The following DNAH9 variants were observed in gnomAD, a reference collection of about 807,000 sequenced individuals.
DNAH9 encodes DNAH9 variant protein.
A neutral mutation model predicts 471.6 loss-of-function variants in DNAH9; 345 were observed. The observed-to-expected ratio is 0.73, with a 90% CI of 0.67 to 0.80. The LOEUF (loss-of-function observed/expected upper bound fraction) is 0.80, where lower values mean the gene tolerates loss of function less well. DNAH9 is among the 30% of genes least tolerant of loss of function. The probability of loss-of-function intolerance (pLI) is 0.00; values close to 1 mark genes in which losing one functional copy is unlikely to be tolerated. For missense variants in DNAH9, 5,407 were observed against 5,609.2 expected (o/e 0.96, Z 1.15); for synonymous variants, 2,093 against 2,123.6 (o/e 0.99, Z 0.40).
chr17:11,700,080 G>A (rs2074564256), intron 23 of DNAH9, among the ~76,000 whole-genome samples, 197 bp downstream of exon 23: 1 of 152,178 alleles, frequency 6.6e-6, no homozygotes, highest in African/African-American at 2.4e-5. Context: ...TTTCAGGGAA[G>A]GACACATGTC....
At chr17:11,620,451 T>A (rs909146808) in intron 6 of DNAH9, among the ~76,000 whole-genome samples, 8 of 147,538 alleles carry the variant, frequency 5.4e-5, no homozygotes, top group Non-Finnish European at 8.9e-5. Context: ...GGCAGAGGTT[T>A]CAGTGAGCCA....
chr17:11,670,637 T>C (rs2073958132), intron 17 of DNAH9, among the ~76,000 whole-genome samples: 1 of 151,824 alleles, frequency 6.6e-6, no homozygotes, highest in Admixed American at 6.6e-5. Flanking sequence ...TATCTACAAA[T>C]AAACTTTGAG....
At chr17:11,724,315 A>G (rs895812940) in intron 27 of DNAH9, among the ~76,000 whole-genome samples, 1 of 152,302 alleles carries the variant, frequency 6.6e-6, no homozygotes, top group Admixed American at 6.5e-5. Flanking sequence ...GTTTGTACCC[A>G]TTAACCAACT....
At chr17:11,650,177 G>A (rs2073476292) in intron 12 of DNAH9, among the ~76,000 whole-genome samples, 1 of 152,092 alleles carries the variant, frequency 6.6e-6, no homozygotes, top group Admixed American at 6.5e-5. Context: ...ATGCTGAGTA[G>A]GGTTTGCCCA....
chr17:11,883,449 A>G, intron 55 of DNAH9, 137 bp from the exon 56 acceptor site: 1 of 1,209,732 alleles, frequency 8.3e-7, no homozygotes, highest in Non-Finnish European at 1.1e-6. Flanking sequence ...TCTCCTGCTC[A>G]TGGTCTGAAG....
Position 11,681,875 on chromosome 17 carries a change from T to C in DNAH9, c.3743+986T>C, listed in dbSNP as rs188285948. ...GCCTGGGGTCTAATTTCAGGTCTTCTACTTACTTCTTATGTTATGACAAAG... is the reference window on the plus strand; with the variant it reads ...GCCTGGGGTCTAATTTCAGGTCTTCCACTTACTTCTTATGTTATGACAAAG... On this transcript the variant is annotated intron_variant, in intron 19 of 68. Transcript: ENST00000262442. Among the ~76,000 whole-genome samples, 8 of 152,352 alleles carry C rather than the reference T, an allele frequency of 5.3e-5. No homozygotes were observed. The East Asian group carries it at 1.5e-3, about 29-fold the overall frequency.
intron 60 of DNAH9, among the ~76,000 whole-genome samples, 167 bp downstream of exon 60, chr17:11,903,079 G>A (rs557170476): frequency 2.0e-5 from 3 of 152,338 alleles, no homozygotes; most frequent in East Asian, 1.9e-4. Flanking sequence ...GGTGGCTCAC[G>A]CCTGTAATCC....
At position 11,598,916 on chromosome 17, in the gene DNAH9, G is replaced by T; in HGVS notation, c.417+1G>T. On this transcript the variant is annotated splice_donor_variant, in intron 1 of 68. Transcript: ENST00000262442. LOFTEE classifies it high-confidence loss of function. ...GCACCTAGCCGCGCTGTTCTCGGAG[G>T]TGAGGGTGGGTTAGTGTCCCCGCGC... is the stretch of plus-strand genomic sequence containing the variant. 6.6e-7 allele frequency: 1 copy of T among 1,522,254 alleles called. No homozygotes were observed. The highest frequency in any genetic ancestry group is 1.7e-4 in the Middle Eastern group (1 of 5,780). 94.3% of individuals were successfully genotyped at this position (1,522,254 alleles called of 1,614,324 possible).
chr17:11,668,527 T>G (rs1457547647), intron 15 of DNAH9, among the ~76,000 whole-genome samples: 3 of 151,970 alleles, frequency 2.0e-5, no homozygotes, highest in Non-Finnish European at 4.4e-5. Context: ...TAGCCGGGCA[T>G]AGTGTCGCAT....
At chr17:11,662,267 G>T (rs2073781118) in intron 14 of DNAH9, among the ~76,000 whole-genome samples, 1 of 152,012 alleles carries the variant, frequency 6.6e-6, no homozygotes, top group African/African-American at 2.4e-5. Flanking sequence ...TCAGCACAGT[G>T]ATAATATTCC....
chr17:11,817,883 AT>A (rs61404478), intron 45 of DNAH9, among the ~76,000 whole-genome samples: 1 of 151,954 alleles, frequency 6.6e-6, no homozygotes, highest in South Asian at 2.1e-4. Context: ...ATGATAATTC[AT>A]TTTTTTATTT....
chr17:11,924,465 A>G (rs1326357988), intron 62 of DNAH9, among the ~76,000 whole-genome samples: 1 of 152,054 alleles, frequency 6.6e-6, no homozygotes, highest in African/African-American at 2.4e-5. Flanking sequence ...AGTTACAAGG[A>G]AAAAAAGGCT....
intron 17 of DNAH9, among the ~76,000 whole-genome samples, chr17:11,670,566 G>A (rs866052184): frequency 1.1e-4 from 17 of 152,178 alleles, no homozygotes; most frequent in African/African-American, 3.4e-4. Context: ...TGCTGCCACT[G>A]CCTTGCTCCC....
intron 17 of DNAH9, among the ~76,000 whole-genome samples, chr17:11,670,033 G>A (rs182926613): frequency 5.6e-4 from 86 of 152,262 alleles, no homozygotes; most frequent in African/African-American, 1.7e-3. Flanking sequence ...TGAAAGGCAC[G>A]TGGTTAAGTG....
chr17:11,655,315 T>A (rs1001673710), intron 14 of DNAH9, among the ~76,000 whole-genome samples: 3 of 151,502 alleles, frequency 2.0e-5, no homozygotes, highest in African/African-American at 7.3e-5. Flanking sequence ...CAAATGCCAT[T>A]ATTTCATTCC....
At chr17:11,727,043 G>T (rs964639063) in intron 27 of DNAH9, among the ~76,000 whole-genome samples, 1 of 53,418 alleles carries the variant, frequency 1.9e-5, no homozygotes, top group Non-Finnish European at 3.2e-5. Context: ...GTGAGACTCC[G>T]TCTCAAAAAA....
chr17:11,783,596 C>G, intron 39 of DNAH9, 50 bp from the exon 40 acceptor site: 1 of 1,467,952 alleles, frequency 6.8e-7, no homozygotes. Flanking sequence ...AAAGCACTCA[C>G]CTGCCTCAGT....
chr17:11,765,669 A>G (rs1967903936), intron 36 of DNAH9, among the ~76,000 whole-genome samples: 1 of 152,118 alleles, frequency 6.6e-6, no homozygotes, highest in African/African-American at 2.4e-5. Flanking sequence ...TTGACATCTG[A>G]GAATTTTCTG....
In DNAH9 at chr17:11,632,777, C is replaced by G. The variant is rs1346620415; in HGVS notation, c.1635+74C>G. 5.7e-6 allele frequency: 4 copies of G among 704,778 alleles called. No individual in the cohort carries two copies. In the African/African-American group the frequency reaches 7.0e-5, roughly 12 times the overall value. 43.7% of individuals were successfully genotyped at this position (704,778 alleles called of 1,614,324 possible). On this transcript the variant is annotated intron_variant, in intron 8 of 68. Transcript: ENST00000262442. ...CCCTCATCAGAGGATGATATGGATA[C>G]CTTTCCACCTGTTCTGTTCCTGCAA...
Sources: allele counts gnomAD v4.1 joint callset (sites outside exome capture counted in the v4.1 genomes callset), GRCh38; gene constraint gnomAD v4.1.1; transcripts MANE v1.5; gene names NCBI Gene and HGNC (gene_info 2026-07-23, HGNC 2026-07-21).